ZC3H13: variants seen among roughly 807,000 people sequenced by gnomAD.
ZC3H13 encodes the protein zinc finger CCCH domain-containing protein 13.
In ZC3H13, 64 loss-of-function variants were observed where a neutral mutation model predicts 204.1. That is an observed-to-expected ratio of 0.31 (90% CI 0.26 to 0.39). ZC3H13 has a LOEUF of 0.39. Among genes scored for constraint, ZC3H13 ranks in the 10% least tolerant of loss-of-function variants. ZC3H13 has a pLI of 1.00. For missense variants in ZC3H13, 1,833 were observed against 2,082.7 expected, an observed-to-expected ratio of 0.88 and a Z score of 2.33; for synonymous variants, 667 against 693.7, an observed-to-expected ratio of 0.96 and a Z score of 0.60.
At chr13:45,978,500 T>C (rs1318485865) in intron 11 of ZC3H13, among the ~76,000 whole-genome samples, 1 of 152,092 alleles carries the variant, frequency 6.6e-6, no homozygotes, top group Non-Finnish European at 1.5e-5. Context: ...ATCTTACTAC[T>C]CTTAGATCTA....
chr13:46,038,399 AT>A (rs1355531858), intron 4 of ZC3H13, among the ~76,000 whole-genome samples: 1 of 152,160 alleles, frequency 6.6e-6, no homozygotes, highest in Non-Finnish European at 1.5e-5. Context: ...TTTTGCTCGT[AT>A]CTTTCTGACA....
At chr13:46,045,278 T>C in intron 2 of ZC3H13, 113 bp downstream of exon 2, 1 of 1,067,302 alleles carries the variant, frequency 9.4e-7, no homozygotes. Context: ...TTAAAAAATT[T>C]ACTGAACAAA....
At position 45,969,467 on chromosome 13, in the gene ZC3H13, T is replaced by C; in HGVS notation, c.3077A>G (p.Lys1026Arg). 1 of 1,613,196 alleles carries C rather than the reference T, an allele frequency of 6.2e-7. No homozygotes were observed. The highest frequency in any genetic ancestry group is 1.7e-4 in the Middle Eastern group (1 of 6,048). ...ISDEEAAQQSKKKRGPRTPPI... is the reference protein window; with the variant it reads ...ISDEEAAQQSRKKRGPRTPPI... The stretch of plus-strand genomic sequence containing the variant: ...GGGAGTCCGTGGGCCTCTTTTCTTC[T>C]TACTTTGCTGGGCTGCTTCTTCATC... The change falls in exon 14 of 19, where the codon AAG (lysine) becomes AGG (arginine). Residue 1026 changes from lysine (K) to arginine (R), a missense_variant. This residue lies in a region of ZC3H13 where 1,574 missense variants were observed against 1,757.2 expected (regional missense o/e 0.90). Coordinates refer to ENST00000679008, the MANE Select transcript of ZC3H13 (RefSeq NM_001330564.2).
intron 1 of ZC3H13, 78 bp downstream of exon 1, chr13:46,052,326 G>GC: frequency 2.6e-6 from 1 of 388,934 alleles, no homozygotes; most frequent in Non-Finnish European, 4.5e-6. Flanking sequence ...AAGACGGGGG[G>GC]GGGTAACCCG....
At chr13:46,049,709 C>A (rs1430482203) in intron 1 of ZC3H13, among the ~76,000 whole-genome samples, 1 of 152,082 alleles carries the variant, frequency 6.6e-6, no homozygotes, top group Admixed American at 6.5e-5. Flanking sequence ...AAAATGAACA[C>A]CACAACAGTT....
chr13:46,032,546 G>A (rs1395779837), intron 4 of ZC3H13, among the ~76,000 whole-genome samples: 1 of 152,050 alleles, frequency 6.6e-6, no homozygotes, highest in African/African-American at 2.4e-5. Context: ...CAAAGATAAA[G>A]TAATTTGGCT....
intron 10 of ZC3H13, among the ~76,000 whole-genome samples, chr13:45,982,633 G>A (rs1326808478): frequency 6.6e-6 from 1 of 152,124 alleles, no homozygotes; most frequent in Non-Finnish European, 1.5e-5. Flanking sequence ...AAATGCTTGG[G>A]ACCACAGGTG....
At chr13:45,959,967 T>A (rs891312992) in intron 17 of ZC3H13, among the ~76,000 whole-genome samples, 7 of 152,138 alleles carry the variant, frequency 4.6e-5, no homozygotes, top group African/African-American at 1.2e-4. Context: ...TTATTTATTT[T>A]TTGAGATAAA....
chr13:45,968,364 C>T lies in ZC3H13; in HGVS notation c.3797-336G>A, dbSNP rs187437606. Among the ~76,000 whole-genome samples the T allele has an allele frequency of 2.8e-4, 42 of 152,174 alleles. No homozygotes were observed. In the East Asian group the frequency reaches 4.8e-3, roughly 17 times the overall value. ...GATTAGGCATTAATAGAACTAATCA[C>T]TCCATTATTTGATCTCCTCCTACTC... is the stretch of plus-strand genomic sequence containing the variant. On this transcript the variant is annotated intron_variant, in intron 14 of 18. Transcript: ENST00000679008.
chr13:46,051,546 C>G (rs1224188755), intron 1 of ZC3H13, among the ~76,000 whole-genome samples: 1 of 152,146 alleles, frequency 6.6e-6, no homozygotes, highest in African/African-American at 2.4e-5. Context: ...AACTAGACCC[C>G]GCTAACTGGC....
Position 45,979,876 on chromosome 13 carries a change from C to T in ZC3H13, c.1849G>A (p.Ala617Thr). 1 of 1,609,038 alleles carries T rather than the reference C, an allele frequency of 6.2e-7. No individual in the cohort carries two copies. Among genetic ancestry groups the T allele is most frequent in the South Asian group, 1.1e-5 (1 of 90,700 alleles). ...CTTCTCTCAAAGGAAGAATCCCTTG[C>T]TTGATCTCTGTTGTCTCTTTCAGGA... ...RYPERDNRDQARDSSFERRHG... is the reference protein window; with the variant it reads ...RYPERDNRDQTRDSSFERRHG... Residue 617 changes from alanine (A) to threonine (T), a missense_variant, in exon 11 of 19, where the codon GCA (alanine) becomes ACA (threonine). Coordinates refer to ENST00000679008, the MANE Select transcript of ZC3H13 (RefSeq NM_001330564.2).
rs1190624763 is a variant in ZC3H13, at chr13:45,971,720, T to G, written c.2469-1255A>C. ...CAAAATAAATAACAAAGACAACCCATAGAATGGGAGAAAATGTTTGCAAAC... is the reference window on the plus strand; with the variant it reads ...CAAAATAAATAACAAAGACAACCCAGAGAATGGGAGAAAATGTTTGCAAAC... On this transcript the variant is annotated intron_variant, in intron 12 of 18. Coordinates refer to ENST00000679008, the MANE Select transcript of ZC3H13 (RefSeq NM_001330564.2). Among the ~76,000 whole-genome samples the G allele has an allele frequency of 1.1e-4, 16 of 151,862 alleles. 1 individual carries two copies.
chr13:46,013,070 T>C (rs151053912), intron 5 of ZC3H13, among the ~76,000 whole-genome samples: 267 of 152,236 alleles, frequency 1.8e-3, no homozygotes, highest in African/African-American at 6.2e-3. Context: ...GGCTTTCAGT[T>C]CTCAATTTTC....
At chr13:45,957,428 T>C (rs377210759) in intron 18 of ZC3H13, 131 bp from the exon 19 acceptor site, 160 of 969,956 alleles carry the variant, frequency 1.6e-4, no homozygotes, top group African/African-American at 1.2e-3. Flanking sequence ...ATTAGCTTTA[T>C]TGGATTTCAA....
At chr13:46,021,932 G>A (rs1305680819) in intron 4 of ZC3H13, among the ~76,000 whole-genome samples, 3 of 151,806 alleles carry the variant, frequency 2.0e-5, no homozygotes, top group Non-Finnish European at 4.4e-5. Flanking sequence ...TATTTAATAG[G>A]AGGTTATCTC....
chr13:46,012,861 T>C (rs1479230094), intron 5 of ZC3H13, among the ~76,000 whole-genome samples: 2 of 152,214 alleles, frequency 1.3e-5, no homozygotes, highest in Admixed American at 6.5e-5. Context: ...GGAGTCAATG[T>C]TCTGGTTTGA....
Position 45,959,482 on chromosome 13 carries a change from C to T in ZC3H13, c.4839+1G>A. ...TATTTTTTCCAAGGAAATAACAGTA[C>T]CTTCTCATTTTTAACAAGCTGCTTT... On this transcript the variant is annotated splice_donor_variant, in intron 18 of 18. Transcript: ENST00000679008. LOFTEE classifies it high-confidence loss of function. The T allele has an allele frequency of 6.5e-7, 1 of 1,537,320 alleles. No individual in the cohort carries two copies.
chr13:45,986,121 A>C (rs532037231), intron 9 of ZC3H13, among the ~76,000 whole-genome samples: 1 of 152,322 alleles, frequency 6.6e-6, no homozygotes, highest in East Asian at 1.9e-4. Context: ...TTTTCTATCA[A>C]CTATTAAGTT....
In ZC3H13 at chr13:45,957,071, A is replaced by G. The variant is rs925384514; in HGVS notation, c.*56T>C. The G allele has an allele frequency of 3.6e-5, 46 of 1,293,460 alleles. No homozygotes were observed. Among genetic ancestry groups the G allele is most frequent in the Middle Eastern group, 4.5e-4 (2 of 4,490 alleles). The allele number at this position is 1,293,460 out of a possible 1,614,324, so 80.1% of individuals were successfully genotyped here. A position where few individuals can be genotyped will look rare whatever the true frequency, so the allele number is the denominator to read the frequency against. On this transcript the variant is annotated 3_prime_UTR_variant, in exon 19 of 19. Transcript: ENST00000679008. ...TTGTCAAACCAAAGAACTTTGCAAA[A>G]GAATATGCACTGCTGAAGGAAGACA...
Sources: gnomAD v4.1 joint callset for allele counts (sites outside exome capture counted in the v4.1 genomes callset) on GRCh38, gnomAD v4.1.1 for gene constraint, gnomAD v4.1.1 regional missense constraint, MANE v1.5 for transcripts, NCBI Gene and HGNC (gene_info 2026-07-23, HGNC 2026-07-21) for gene names.